ATXN1: variants seen among roughly 807,000 people sequenced by gnomAD.
ATXN1 encodes the protein ataxin 1, also known as ataxin-1.
In ATXN1, 8 loss-of-function variants were observed where a neutral mutation model predicts 56.4. The ratio of observed to expected loss-of-function variants is 0.14; its 90% CI spans 0.08 to 0.26. ATXN1 has a LOEUF of 0.26. Ranked by LOEUF, ATXN1 falls within the 10% of genes least tolerant of loss-of-function variation. The probability of loss-of-function intolerance (pLI) is 1.00; values close to 1 mark genes in which losing one functional copy is unlikely to be tolerated. For missense variants in ATXN1, 987 were observed against 1,106.5 expected (o/e 0.89, Z 1.53); for synonymous variants, 514 against 494.6 (o/e 1.04, Z -0.52).
chr6:16,608,075 T>A (rs572352489), intron 3 of ATXN1, among the ~76,000 whole-genome samples: 11 of 152,336 alleles, frequency 7.2e-5, no homozygotes, highest in Admixed American at 2.0e-4. Flanking sequence ...CTGAATGACA[T>A]TGGAGTGGGA....
Position 16,594,490 on chromosome 6 carries a change from TA to T in ATXN1, c.-488-8584del, listed in dbSNP as rs1217488617. Among the ~76,000 whole-genome samples, 43 of 151,174 alleles carry T rather than the reference TA, an allele frequency of 2.8e-4. 1 individual carries two copies. The South Asian group carries it at 6.5e-3, about 23-fold the overall frequency. ...TTTTTTTCCTTTTTTTTTTTTTATT[TA>T]TTTATTTTTTGAGACGGAGTCTCAT... On this transcript the variant is annotated intron_variant, in intron 3 of 7. Transcript: ENST00000436367.
chr6:16,425,619 T>A (rs574226470), intron 6 of ATXN1, among the ~76,000 whole-genome samples: 27 of 152,340 alleles, frequency 1.8e-4, no homozygotes, highest in African/African-American at 6.3e-4. Flanking sequence ...AGTATAGACA[T>A]TTATCTTGTA....
intron 4 of ATXN1, among the ~76,000 whole-genome samples, chr6:16,549,317 T>C (rs772177530): frequency 6.6e-6 from 1 of 152,178 alleles, no homozygotes; most frequent in Non-Finnish European, 1.5e-5. Context: ...GGCAGCACAG[T>C]AGGGTTGCAG....
At chr6:16,528,063 G>C (rs1248425205) in intron 4 of ATXN1, among the ~76,000 whole-genome samples, 1 of 152,042 alleles carries the variant, frequency 6.6e-6, no homozygotes, top group Non-Finnish European at 1.5e-5. Flanking sequence ...CACTTTCGGA[G>C]GCCAAGGCAG....
chr6:16,547,834 C>T (rs1761843160), intron 4 of ATXN1, among the ~76,000 whole-genome samples: 1 of 152,168 alleles, frequency 6.6e-6, no homozygotes, highest in South Asian at 2.1e-4. Context: ...ATAACCTCAT[C>T]TGAACTTGGT....
intron 4 of ATXN1, among the ~76,000 whole-genome samples, chr6:16,576,767 T>C (rs1475854485): frequency 6.6e-6 from 1 of 152,176 alleles, no homozygotes; most frequent in Admixed American, 6.5e-5. Context: ...CACATACAAA[T>C]AAGCTCTTAT....
At chr6:16,549,609 G>C (rs1385255227) in intron 4 of ATXN1, among the ~76,000 whole-genome samples, 1 of 152,074 alleles carries the variant, frequency 6.6e-6, no homozygotes, top group Non-Finnish European at 1.5e-5. Flanking sequence ...TCAAGAATAG[G>C]CATGCTGGCC....
intron 2 of ATXN1, among the ~76,000 whole-genome samples, chr6:16,722,898 T>A (rs1370214669): frequency 6.6e-6 from 1 of 152,218 alleles, no homozygotes; most frequent in Non-Finnish European, 1.5e-5. Flanking sequence ...AGATCTGTTA[T>A]GTTTAAGAAT....
At chr6:16,716,689 C>T (rs1232010130) in intron 2 of ATXN1, among the ~76,000 whole-genome samples, 2 of 152,216 alleles carry the variant, frequency 1.3e-5, no homozygotes, top group African/African-American at 4.8e-5. Context: ...GGACTATGGT[C>T]TCTTTCACCA....
intron 5 of ATXN1, among the ~76,000 whole-genome samples, chr6:16,509,765 C>T (rs185301670): frequency 6.6e-6 from 1 of 152,142 alleles, no homozygotes; most frequent in South Asian, 2.1e-4. Flanking sequence ...TTGCTGGTTC[C>T]TCTTCGCTTC....
intron 1 of ATXN1, among the ~76,000 whole-genome samples, chr6:16,753,797 C>T (rs927418185): frequency 4.6e-5 from 7 of 152,080 alleles, no homozygotes; most frequent in Middle Eastern, 3.2e-3. Context: ...GATGAAAGTG[C>T]ACAGCTATTA....
intron 6 of ATXN1, among the ~76,000 whole-genome samples, chr6:16,346,325 G>A (rs1761386931): frequency 6.6e-6 from 1 of 152,134 alleles, no homozygotes; most frequent in South Asian, 2.1e-4. Context: ...AAGTGGGAGT[G>A]AGCCACCGCT....
intron 2 of ATXN1, among the ~76,000 whole-genome samples, chr6:16,677,571 T>G (rs1243935561): frequency 6.6e-6 from 1 of 152,150 alleles, no homozygotes; most frequent in Admixed American, 6.5e-5. Context: ...TTTTTCCAAG[T>G]CCTATTTATC....
chr6:16,315,821 T>G (rs1760495524), intron 7 of ATXN1, among the ~76,000 whole-genome samples: 1 of 152,088 alleles, frequency 6.6e-6, no homozygotes, highest in Admixed American at 6.6e-5. Context: ...CACCACCATG[T>G]CCAGCTAATG....
chr6:16,674,019 C>G (rs1159750668), intron 2 of ATXN1, among the ~76,000 whole-genome samples: 2 of 152,008 alleles, frequency 1.3e-5, no homozygotes, highest in Admixed American at 6.6e-5. Flanking sequence ...TCCATCAGTT[C>G]CCTCCCATAC....
chr6:16,447,205 T>C (rs1759653843), intron 6 of ATXN1, among the ~76,000 whole-genome samples: 4 of 152,168 alleles, frequency 2.6e-5, no homozygotes, highest in Admixed American at 2.0e-4. Context: ...TATTTTTTAA[T>C]TGTATTTTTT....
At chr6:16,708,246 C>A (rs1258089054) in intron 2 of ATXN1, among the ~76,000 whole-genome samples, 1 of 151,958 alleles carries the variant, frequency 6.6e-6, no homozygotes, top group Non-Finnish European at 1.5e-5. Context: ...AAAGGAACAA[C>A]CAATAAAGAT....
At chr6:16,576,006 G>A (rs924907275) in intron 4 of ATXN1, among the ~76,000 whole-genome samples, 2 of 151,760 alleles carry the variant, frequency 1.3e-5, no homozygotes, top group Non-Finnish European at 2.9e-5. Context: ...CAAACCTCAA[G>A]GGCACACTAT....
At chr6:16,619,506 T>C (rs973399430) in intron 3 of ATXN1, among the ~76,000 whole-genome samples, 1 of 152,160 alleles carries the variant, frequency 6.6e-6, no homozygotes, top group Admixed American at 6.5e-5. Flanking sequence ...ATGTTTACAA[T>C]ATACAGACCC....
Sources: allele counts gnomAD v4.1 joint callset (sites outside exome capture counted in the v4.1 genomes callset), GRCh38; gene constraint gnomAD v4.1.1; transcripts MANE v1.5; gene names NCBI Gene and HGNC (gene_info 2026-07-23, HGNC 2026-07-21).